Variants in IL1RAPL2 observed in about 807,000 individuals in gnomAD.
IL1RAPL2 encodes the protein interleukin 1 receptor accessory protein like 2, also known as X-linked interleukin-1 receptor accessory protein-like 2.
In IL1RAPL2, 3 loss-of-function variants were observed where a neutral mutation model predicts 44.1. The ratio of observed to expected loss-of-function variants is 0.07; its 90% CI spans 0.03 to 0.18. The LOEUF (loss-of-function observed/expected upper bound fraction) is 0.18, where lower values mean the gene tolerates loss of function less well. IL1RAPL2 is among the 10% of genes least tolerant of loss of function. The probability of loss-of-function intolerance (pLI) is 1.00; values close to 1 mark genes in which losing one functional copy is unlikely to be tolerated. For synonymous variants in IL1RAPL2, 181 were observed against 178.8 expected (o/e 1.01, Z -0.10); for missense variants, 391 against 496.4 (o/e 0.79, Z 2.02).
At chrX:105,459,350 C>T (rs2036078090) in intron 5 of IL1RAPL2, among the ~76,000 whole-genome samples, 1 of 111,389 alleles carries the variant, frequency 9.0e-6, no homozygotes. Context: ...CTCATATGTA[C>T]ACATTTTTTA....
intron 2 of IL1RAPL2, among the ~76,000 whole-genome samples, chrX:105,083,591 G>C (rs1000792649): frequency 6.3e-5 from 7 of 111,622 alleles, no homozygotes; most frequent in African/African-American, 2.3e-4. Context: ...ACCCACAAAG[G>C]TAAGTCCATC....
intron 2 of IL1RAPL2, among the ~76,000 whole-genome samples, chrX:104,987,457 A>G (rs1436308778): frequency 9.1e-6 from 1 of 109,577 alleles, no homozygotes; most frequent in African/African-American, 3.3e-5. Flanking sequence ...GACAAGGAAC[A>G]TTTAGGGCTT....
intron 1 of IL1RAPL2, among the ~76,000 whole-genome samples, chrX:104,626,371 G>A (rs1020977122): frequency 3.7e-5 from 4 of 107,327 alleles, no homozygotes; most frequent in East Asian, 3.0e-4. Context: ...GGCATAATTC[G>A]GTATTTGACT....
intron 2 of IL1RAPL2, among the ~76,000 whole-genome samples, chrX:105,120,002 G>A (rs1348073900): frequency 9.1e-6 from 1 of 109,410 alleles, no homozygotes; most frequent in African/African-American, 3.3e-5. Flanking sequence ...TTTTACTGAT[G>A]GGAAAATTTA....
intron 5 of IL1RAPL2, among the ~76,000 whole-genome samples, chrX:105,368,103 T>C (rs1375844903): frequency 9.0e-6 from 1 of 110,534 alleles, no homozygotes; most frequent in African/African-American, 3.3e-5. Flanking sequence ...CAGTGGGAGG[T>C]TTTTGGGTCG....
At chrX:105,543,172 G>C (rs1214310045) in intron 6 of IL1RAPL2, among the ~76,000 whole-genome samples, 1 of 111,301 alleles carries the variant, frequency 9.0e-6, no homozygotes, top group Non-Finnish European at 1.9e-5. Flanking sequence ...CAAGGAAGTG[G>C]CCTGGCATCT....
chrX:104,695,171 G>A (rs773628923), intron 2 of IL1RAPL2, among the ~76,000 whole-genome samples: 11 of 112,519 alleles, frequency 9.8e-5, no homozygotes, highest in Non-Finnish European at 2.1e-4. Flanking sequence ...CCTAGCTTGT[G>A]TGACTATCAC....
chrX:105,754,951 TTC>T (rs1216704690), intron 9 of IL1RAPL2, among the ~76,000 whole-genome samples: 1 of 112,471 alleles, frequency 8.9e-6, no homozygotes, highest in Non-Finnish European at 1.9e-5. Context: ...CAAATAATAA[TTC>T]TCTCTTTTAT....
chrX:105,402,760 G>A (rs756500366), intron 5 of IL1RAPL2, among the ~76,000 whole-genome samples: 1 of 111,709 alleles, frequency 9.0e-6, no homozygotes, highest in African/African-American at 3.2e-5. Flanking sequence ...GTATGCCTTT[G>A]TTTCCTACAA....
intron 2 of IL1RAPL2, among the ~76,000 whole-genome samples, chrX:105,013,790 T>C (rs1435403574): frequency 8.9e-6 from 1 of 112,160 alleles, no homozygotes; most frequent in East Asian, 2.8e-4. Context: ...TTTTTCACGA[T>C]GACTCTTTTT....
At chrX:104,872,397 G>A (rs920968799) in intron 2 of IL1RAPL2, among the ~76,000 whole-genome samples, 5 of 111,605 alleles carry the variant, frequency 4.5e-5, no homozygotes, top group African/African-American at 1.6e-4. Context: ...ATGAACATGT[G>A]CACACATATG....
At chrX:105,024,014 T>C (rs940091540) in intron 2 of IL1RAPL2, among the ~76,000 whole-genome samples, 2 of 111,518 alleles carry the variant, frequency 1.8e-5, no homozygotes, top group Non-Finnish European at 3.8e-5. Flanking sequence ...ATAGAGGATG[T>C]AGTTGAAGAA....
rs372920756 is a variant in IL1RAPL2 at position 104,729,630 on chromosome X, GT to G, written c.82+70646del. ...CAGCTGCTAAGCATAGTACCCAATAGTTTTTTTTTTTATCTTATCCCTCCTC... is the reference window on the plus strand; with the variant it reads ...CAGCTGCTAAGCATAGTACCCAATAGTTTTTTTTTTATCTTATCCCTCCTC... On this transcript the variant is annotated intron_variant, in intron 2 of 10. Transcript: ENST00000372582. 6.1e-3 allele frequency among the ~76,000 whole-genome samples: 631 copies of G among 103,676 alleles called. 1 individual carries two copies. The highest frequency in any genetic ancestry group is 9.7e-3 in the South Asian group (23 of 2,364). 90.0% of individuals were successfully genotyped at this position (103,676 alleles called of 115,157 possible). A position where few individuals can be genotyped will look rare whatever the true frequency, so the allele number is the denominator to read the frequency against.
chrX:105,468,098 T>A (rs997311274), intron 5 of IL1RAPL2, among the ~76,000 whole-genome samples: 7 of 112,076 alleles, frequency 6.2e-5, no homozygotes, highest in Admixed American at 4.7e-4. Flanking sequence ...TTTTTTCTCA[T>A]ACAAAACGCT....
intron 2 of IL1RAPL2, among the ~76,000 whole-genome samples, chrX:104,892,389 C>A (rs1020648908): frequency 9.0e-6 from 1 of 111,673 alleles, no homozygotes; most frequent in African/African-American, 3.3e-5. Context: ...CCTCCTTGTA[C>A]CTCTAGTAGA....
intron 6 of IL1RAPL2, among the ~76,000 whole-genome samples, chrX:105,622,282 AAT>A (rs1364832482): frequency 4.8e-5 from 2 of 41,586 alleles, no homozygotes; most frequent in African/African-American, 6.0e-4. Flanking sequence ...CAATAAAAAT[AAT>A]AATAATAATA....
chrX:104,877,869 G>A (rs1922952073), intron 2 of IL1RAPL2, among the ~76,000 whole-genome samples: 1 of 111,764 alleles, frequency 8.9e-6, no homozygotes, highest in South Asian at 3.7e-4. Flanking sequence ...TAATGGACAT[G>A]CAGAAGATCT....
intron 2 of IL1RAPL2, among the ~76,000 whole-genome samples, chrX:104,938,776 CT>C (rs774587137): frequency 8.1e-5 from 9 of 110,665 alleles, no homozygotes; most frequent in African/African-American, 2.9e-4. Context: ...CTGTTGGTTT[CT>C]TTGTGTAATC....
At chrX:104,890,378 C>T (rs1425255380) in intron 2 of IL1RAPL2, among the ~76,000 whole-genome samples, 1 of 111,928 alleles carries the variant, frequency 8.9e-6, no homozygotes, top group Non-Finnish European at 1.9e-5. Context: ...GCCACACTGT[C>T]TTCCACAATG....
Sources: gnomAD v4.1 joint callset for allele counts (sites outside exome capture counted in the v4.1 genomes callset) on GRCh38, gnomAD v4.1.1 for gene constraint, MANE v1.5 for transcripts, NCBI Gene and HGNC (gene_info 2026-07-23, HGNC 2026-07-21) for gene names.